FLACC1: variants seen among roughly 807,000 people sequenced by gnomAD.
FLACC1 encodes flagellum associated containing coiled-coil domains 1.
Under a neutral mutation model 62.8 loss-of-function variants are expected in FLACC1, and 66 were observed. That is an observed-to-expected ratio of 1.05 (90% CI 0.86 to 1.29). The LOEUF (loss-of-function observed/expected upper bound fraction) is 1.29. Among genes scored for constraint, FLACC1 ranks in the 50% most tolerant of loss-of-function variants. The pLI is 0.00. For synonymous variants in FLACC1, 156 were observed against 161.0 expected (o/e 0.97, Z 0.24); for missense variants, 452 against 489.1 (o/e 0.92, Z 0.71).
intron 9 of FLACC1, among the ~76,000 whole-genome samples, chr2:201,309,490 A>C (rs1368958437): frequency 2.6e-5 from 4 of 152,198 alleles, no homozygotes; most frequent in Non-Finnish European, 5.9e-5. Context: ...CCAAAGGTCA[A>C]GGGCAAACTA....
rs940039514 is a variant in FLACC1, at chr2:201,326,300, G to T, written c.675+4170C>A. Among the ~76,000 whole-genome samples the T allele has an allele frequency of 1.3e-5, 2 of 152,150 alleles. No homozygotes were observed. The highest frequency in any genetic ancestry group is 2.4e-5 in the African/African-American group (1 of 41,434). ...ACTTTCACCACTCTCATTCAACATA[G>T]TTCTGGAAGTCCTAGCTAGAGCAAT... On this transcript the variant is annotated intron_variant, in intron 9 of 14. Coordinates refer to ENST00000392257, the MANE Select transcript of FLACC1 (RefSeq NM_001127391.3). The surrounding 1 kb of genome is among the most constrained non-coding windows in gnomAD (Gnocchi z 4.1).
chr2:201,335,500 A>C (rs1326778416), intron 7 of FLACC1, among the ~76,000 whole-genome samples: 5 of 151,940 alleles, frequency 3.3e-5, no homozygotes, highest in African/African-American at 1.2e-4. Context: ...TGGGTGTATA[A>C]ATTTATTTAT....
At chr2:201,345,139 G>C (rs1242020975) in intron 5 of FLACC1, among the ~76,000 whole-genome samples, 1 of 152,264 alleles carries the variant, frequency 6.6e-6, no homozygotes, top group South Asian at 2.1e-4. Context: ...GTGAGGCCAA[G>C]AGGTGGCTGT....
At chr2:201,343,271 A>G (rs1328543925) in intron 6 of FLACC1, among the ~76,000 whole-genome samples, 3 of 152,246 alleles carry the variant, frequency 2.0e-5, no homozygotes, top group African/African-American at 7.2e-5. Context: ...ATCTGTGCCT[A>G]TGACTTAAAA....
intron 9 of FLACC1, among the ~76,000 whole-genome samples, chr2:201,322,811 G>A (rs972580465): frequency 2.0e-5 from 3 of 152,002 alleles, no homozygotes; most frequent in African/African-American, 7.2e-5. Context: ...AGATTTCAGA[G>A]AAAGATGAAA....
rs71022362 is a variant in FLACC1, at chr2:201,323,784, C to CA, written c.675+6685dup. Among the ~76,000 whole-genome samples, 102 of 52,760 alleles carry CA rather than the reference C, an allele frequency of 1.9e-3. 2 individuals are homozygous for CA. In the Middle Eastern group the frequency reaches 0.037, roughly 19 times the overall value. 34.6% of individuals were successfully genotyped at this position (52,760 alleles called of 152,430 possible). ...CCTGGGCAACAGAGCCAGACTCTAT[C>CA]AAAAAAAAAAAAAAAAAAAGTAAGG... On this transcript the variant is annotated intron_variant, in intron 9 of 14. Coordinates refer to ENST00000392257, the MANE Select transcript of FLACC1 (RefSeq NM_001127391.3).
chr2:201,361,185 A>G (rs542523336), upstream of FLACC1, among the ~76,000 whole-genome samples: 25 of 152,136 alleles, frequency 1.6e-4, no homozygotes, highest in Admixed American at 1.2e-3. Flanking sequence ...TCTCATCATT[A>G]ACCACATTCA....
In FLACC1 at chr2:201,299,316, T is replaced by C. The variant is rs767397212; in HGVS notation, c.880-16A>G. Reference sequence around the variant, plus strand: ...TCAAGAGCTCCTAAAAACAATTTTATTGGGAAAAGGTTAGCACTGTGGTTC... The same window carrying C: ...TCAAGAGCTCCTAAAAACAATTTTACTGGGAAAAGGTTAGCACTGTGGTTC... On this transcript the variant is annotated splice_polypyrimidine_tract_variant and intron_variant, in intron 11 of 14. Transcript: ENST00000392257. 3 of 1,612,298 alleles carry C rather than the reference T, an allele frequency of 1.9e-6. No individual in the cohort carries two copies. Among genetic ancestry groups the C allele is most frequent in the East Asian group, 2.2e-5 (1 of 44,792 alleles).
chr2:201,302,148 T>C (rs913682692), intron 11 of FLACC1, among the ~76,000 whole-genome samples: 2 of 151,164 alleles, frequency 1.3e-5, no homozygotes, highest in South Asian at 2.1e-4. Flanking sequence ...GCAAATTGGA[T>C]AGTCAAGACC....
At chr2:201,361,104 A>G (rs1951182676), upstream of FLACC1, among the ~76,000 whole-genome samples, 1 of 152,112 alleles carries the variant, frequency 6.6e-6, no homozygotes. Context: ...AAAAACAAAA[A>G]CAAAAACACA....
chr2:201,333,804 T>G (rs1424684060), intron 7 of FLACC1, among the ~76,000 whole-genome samples: 1 of 152,132 alleles, frequency 6.6e-6, no homozygotes, highest in Non-Finnish European at 1.5e-5. Context: ...CAGTCTATCA[T>G]AGTTGGACAT....
chr2:201,294,674 C>T (rs1949818087), intron 12 of FLACC1, among the ~76,000 whole-genome samples: 1 of 152,064 alleles, frequency 6.6e-6, no homozygotes. Context: ...CTGGCCAGGG[C>T]AATGAGGCAG....
chr2:201,293,991 A>G (rs988426509), intron 12 of FLACC1, among the ~76,000 whole-genome samples: 101 of 152,346 alleles, frequency 6.6e-4, no homozygotes, highest in Middle Eastern at 3.4e-3. Context: ...GAATCCCTGA[A>G]TAGACCAATA....
intron 3 of FLACC1, 37 bp downstream of exon 3, chr2:201,350,674 C>T: frequency 6.3e-7 from 1 of 1,590,802 alleles, no homozygotes; most frequent in Non-Finnish European, 8.6e-7. Context: ...GAGTGAGACT[C>T]CATCTCAAAA....
At chr2:201,301,580 ATG>A (rs1949984461) in intron 11 of FLACC1, among the ~76,000 whole-genome samples, 1 of 152,194 alleles carries the variant, frequency 6.6e-6, no homozygotes, top group African/African-American at 2.4e-5. Flanking sequence ...AATACAGAGA[ATG>A]CCACAAAGAT....
In FLACC1 at chr2:201,307,615, CT is replaced by C. The variant is rs761500161; in HGVS notation, c.782del (p.Lys261ArgfsTer2). 2 of 1,612,300 alleles carry C rather than the reference CT, an allele frequency of 1.2e-6. No individual in the cohort carries two copies. The highest frequency in any genetic ancestry group is 1.7e-6 in the Non-Finnish European group (2 of 1,178,362). ...RENILLQQKK[K>X]MTKKFEMESG... ...ACTCCATTTCGAATTTTTTGGTCAT[CT>C]TTTTTTCTGTGGAAGTGACAGGAAA... On this transcript the variant is annotated frameshift_variant, in exon 11 of 15. Transcript: ENST00000392257. LOFTEE classifies it high-confidence loss of function.
In FLACC1 at chr2:201,326,471, T is replaced by C. The variant is rs1451664423; in HGVS notation, c.675+3999A>G. On this transcript the variant is annotated intron_variant, in intron 9 of 14. Transcript: ENST00000392257. The surrounding 1 kb of genome is among the most constrained non-coding windows in gnomAD (Gnocchi z 4.1). ...GATTTGATAAACGAATTCAGTGAAG[T>C]CTCAGTTTACAAAATCAGTGTACAC... Among the ~76,000 whole-genome samples the C allele has an allele frequency of 6.6e-6, 1 of 152,202 alleles. No homozygotes were observed. Among genetic ancestry groups the C allele is most frequent in the Non-Finnish European group, 1.5e-5 (1 of 68,028 alleles).
upstream of FLACC1, among the ~76,000 whole-genome samples, chr2:201,359,668 G>A (rs565555692): frequency 3.1e-4 from 47 of 152,290 alleles, no homozygotes; most frequent in African/African-American, 1.1e-3. Flanking sequence ...AATGTCCTTG[G>A]AGAACTGGGC....
intron 11 of FLACC1, among the ~76,000 whole-genome samples, chr2:201,300,821 G>C (rs1949965743): frequency 6.6e-6 from 1 of 152,194 alleles, no homozygotes; most frequent in African/African-American, 2.4e-5. Flanking sequence ...AGGGTCTGGA[G>C]TGGACCTCCA....
Sources: allele counts gnomAD v4.1 joint callset (sites outside exome capture counted in the v4.1 genomes callset), GRCh38; gene constraint gnomAD v4.1.1; non-coding constraint Gnocchi (gnomAD v3.1); transcripts MANE v1.5; gene names NCBI Gene and HGNC (gene_info 2026-07-23, HGNC 2026-07-21).